ROR1: variants seen among roughly 807,000 people sequenced by gnomAD.
The protein encoded by ROR1 is ROR family WNT receptor 1.
In ROR1, 19 loss-of-function variants were observed where a neutral mutation model predicts 78.8. The ratio of observed to expected loss-of-function variants is 0.24; its 90% CI spans 0.17 to 0.35. The LOEUF (loss-of-function observed/expected upper bound fraction) is 0.35, where lower values mean the gene tolerates loss of function less well. Ranked by LOEUF, ROR1 falls within the 10% of genes least tolerant of loss-of-function variation. The pLI, the probability that ROR1 is intolerant of heterozygous loss-of-function variation, is 1.00. For synonymous variants in ROR1, 386 were observed against 433.6 expected (o/e 0.89, Z 1.36); for missense variants, 917 against 1,177.8 (o/e 0.78, Z 3.24).
intron 1 of ROR1, among the ~76,000 whole-genome samples, chr1:63,997,626 G>T (rs1418428763): frequency 6.6e-6 from 1 of 152,078 alleles, no homozygotes; most frequent in African/African-American, 2.4e-5. Context: ...CATATTATCT[G>T]GGTTTCCTTA....
chr1:63,804,124 G>A (rs562993977), intron 1 of ROR1, among the ~76,000 whole-genome samples: 1 of 152,102 alleles, frequency 6.6e-6, no homozygotes, highest in Admixed American at 6.5e-5. Flanking sequence ...GGACTCAGGA[G>A]GGGGGCGTCC....
intron 1 of ROR1, among the ~76,000 whole-genome samples, chr1:63,978,252 A>T (rs1320586775): frequency 6.6e-6 from 1 of 152,220 alleles, no homozygotes; most frequent in Non-Finnish European, 1.5e-5. Flanking sequence ...TATCAGTTTG[A>T]TGTTTATTAA....
intron 2 of ROR1, among the ~76,000 whole-genome samples, chr1:64,023,822 G>C (rs973356988): frequency 6.6e-6 from 1 of 152,080 alleles, no homozygotes; most frequent in African/African-American, 2.4e-5. Flanking sequence ...ATGTTGATAT[G>C]GTTTGGCTCT....
chr1:63,859,292 ATGAAGATCCCC>A (rs1480358853), intron 1 of ROR1, among the ~76,000 whole-genome samples: 1 of 152,202 alleles, frequency 6.6e-6, no homozygotes, highest in African/African-American at 2.4e-5. Flanking sequence ...CCCTGTGAAG[ATGAAGATCCCC>A]TCTTCTATTT....
intron 1 of ROR1, among the ~76,000 whole-genome samples, chr1:63,866,603 CT>C: frequency 6.6e-6 from 1 of 152,036 alleles, no homozygotes; most frequent in Middle Eastern, 3.2e-3. Context: ...TTCTAGGGAC[CT>C]AGCCTTTTTT....
At chr1:64,053,225 A>G (rs1317130530) in intron 4 of ROR1, among the ~76,000 whole-genome samples, 1 of 152,238 alleles carries the variant, frequency 6.6e-6, no homozygotes, top group Non-Finnish European at 1.5e-5. Context: ...TCTAACATTC[A>G]GAACGTAAGG....
At chr1:63,987,644 G>C (rs889636455) in intron 1 of ROR1, among the ~76,000 whole-genome samples, 2 of 152,160 alleles carry the variant, frequency 1.3e-5, no homozygotes, top group Non-Finnish European at 2.9e-5. Flanking sequence ...TGAGGGTATT[G>C]TTCTCAGAAG....
intron 1 of ROR1, among the ~76,000 whole-genome samples, chr1:63,955,898 C>T (rs1343242051): frequency 1.3e-5 from 2 of 152,124 alleles, no homozygotes; most frequent in South Asian, 2.1e-4. Flanking sequence ...CATCTGAGTC[C>T]TAGGCCTTTG....
intron 4 of ROR1, among the ~76,000 whole-genome samples, chr1:64,135,113 A>T (rs1410373343): frequency 6.6e-6 from 1 of 152,112 alleles, no homozygotes; most frequent in Non-Finnish European, 1.5e-5. Flanking sequence ...TTTTTTAAAA[A>T]ATCTGTCTCC....
At chr1:64,134,700 G>A (rs999792275) in intron 4 of ROR1, among the ~76,000 whole-genome samples, 12 of 151,652 alleles carry the variant, frequency 7.9e-5, no homozygotes, top group Admixed American at 7.9e-4. Context: ...CTAAGGTGGG[G>A]CCTGGGCATT....
At chr1:64,033,343 G>A (rs1319639324) in intron 2 of ROR1, among the ~76,000 whole-genome samples, 1 of 152,144 alleles carries the variant, frequency 6.6e-6, no homozygotes, top group African/African-American at 2.4e-5. Flanking sequence ...TGGGAGAAAA[G>A]CATAACTGAT....
At chr1:63,796,467 A>G (rs1019413940) in intron 1 of ROR1, among the ~76,000 whole-genome samples, 1 of 152,258 alleles carries the variant, frequency 6.6e-6, no homozygotes, top group Non-Finnish European at 1.5e-5. Context: ...TGCAAATTAA[A>G]GAACCATGGC....
intron 1 of ROR1, among the ~76,000 whole-genome samples, chr1:63,863,781 GTAT>G (rs1287644430): frequency 6.9e-6 from 1 of 144,844 alleles, no homozygotes; most frequent in Non-Finnish European, 1.5e-5. Flanking sequence ...GTATTGTATT[GTAT>G]TGTATTGTAT....
chr1:64,060,338 C>T (rs1364183604), intron 4 of ROR1, among the ~76,000 whole-genome samples: 1 of 152,160 alleles, frequency 6.6e-6, no homozygotes, highest in Non-Finnish European at 1.5e-5. Flanking sequence ...TTCTTTCCAG[C>T]CAGAGTTCTT....
intron 1 of ROR1, among the ~76,000 whole-genome samples, chr1:63,852,540 G>C (rs57845838): frequency 0.041 from 6,307 of 152,172 alleles, 309 homozygotes; most frequent in South Asian, 0.11. Flanking sequence ...GAAATTTCAT[G>C]GTTTTTAGAC....
At chr1:63,815,127 T>G (rs562558851) in intron 1 of ROR1, among the ~76,000 whole-genome samples, 199 of 152,324 alleles carry the variant, frequency 1.3e-3, no homozygotes, top group Non-Finnish European at 2.5e-3. Context: ...GATTTGTGGT[T>G]GGTCTTTTGG....
chr1:63,893,936 ATT>A (rs532912295), intron 1 of ROR1, among the ~76,000 whole-genome samples: 1 of 151,946 alleles, frequency 6.6e-6, no homozygotes, highest in East Asian at 1.9e-4. Context: ...TCAGCATACG[ATT>A]TTTTTCTTTC....
intron 4 of ROR1, among the ~76,000 whole-genome samples, chr1:64,085,887 G>T (rs1272155476): frequency 6.6e-6 from 1 of 152,188 alleles, no homozygotes; most frequent in Non-Finnish European, 1.5e-5. Flanking sequence ...GGGGTTAATT[G>T]TCGATTTCTG....
chr1:64,075,184 C>A (rs868164140), intron 4 of ROR1, among the ~76,000 whole-genome samples: 1 of 152,098 alleles, frequency 6.6e-6, no homozygotes, highest in Non-Finnish European at 1.5e-5. Flanking sequence ...TATTCAAGTT[C>A]TAATTTCTTA....
Sources: gnomAD v4.1 joint callset for allele counts (sites outside exome capture counted in the v4.1 genomes callset) on GRCh38, gnomAD v4.1.1 for gene constraint, MANE v1.5 for transcripts, NCBI Gene and HGNC (gene_info 2026-07-23, HGNC 2026-07-21) for gene names.